Variants in TIPIN observed in about 807,000 individuals in gnomAD.
TIPIN encodes the protein TIMELESS interacting protein.
In TIPIN, 29 loss-of-function variants were observed where a neutral mutation model predicts 35.6. The observed-to-expected ratio is 0.82, with a 90% CI of 0.61 to 1.11. TIPIN has a LOEUF of 1.11. TIPIN is among the 50% of genes most tolerant of loss of function. The pLI is 0.00. For synonymous variants in TIPIN, 102 were observed against 121.5 expected (o/e 0.84, Z 1.06); for missense variants, 296 against 345.4 (o/e 0.86, Z 1.13).
intron 1 of TIPIN, among the ~76,000 whole-genome samples, chr15:66,382,057 T>G (rs1480058267): frequency 1.5e-5 from 1 of 66,892 alleles, no homozygotes; most frequent in Non-Finnish European, 3.7e-5. Flanking sequence ...AGTGAAACTC[T>G]GTCTCAAAAA....
At chr15:66,357,293 G>A (rs537512098), upstream of TIPIN, among the ~76,000 whole-genome samples, 1 of 152,250 alleles carries the variant, frequency 6.6e-6, no homozygotes, top group East Asian at 1.9e-4. Flanking sequence ...AAGGACAGAG[G>A]CAAGCAATAG....
chr15:66,348,672 CTA>C (rs1491069151), intron 6 of TIPIN, among the ~76,000 whole-genome samples: 4 of 23,216 alleles, frequency 1.7e-4, no homozygotes, highest in East Asian at 0.045. Flanking sequence ...CCAGCCTGGG[CTA>C]CAGAGTGAGA....
chr15:66,383,254 T>C (rs1262771083), intron 1 of TIPIN, among the ~76,000 whole-genome samples: 1 of 150,522 alleles, frequency 6.6e-6, no homozygotes, highest in East Asian at 1.9e-4. Context: ...TAGATTACTT[T>C]GAAAAGTTTC....
chr15:66,377,661 G>GT (rs35845765), intron 1 of TIPIN, among the ~76,000 whole-genome samples: 71,478 of 150,204 alleles, frequency 0.48, 18,565 homozygotes, highest in South Asian at 0.65. Context: ...CAGCGCCTGG[G>GT]TTTTTTTTTG....
chr15:66,340,120 C>T (rs2093074836), intron 7 of TIPIN, among the ~76,000 whole-genome samples: 1 of 148,504 alleles, frequency 6.7e-6, no homozygotes, highest in Non-Finnish European at 1.5e-5. Context: ...GATCCACCCA[C>T]TTCAGCCTCC....
At chr15:66,353,392 C>A (rs962687669) in intron 1 of TIPIN, among the ~76,000 whole-genome samples, 1 of 151,820 alleles carries the variant, frequency 6.6e-6, no homozygotes, top group Non-Finnish European at 1.5e-5. Context: ...CCGAGGCGGG[C>A]GGATCACGAG....
At chr15:66,355,194 C>T (rs1009406326) in intron 1 of TIPIN, among the ~76,000 whole-genome samples, 2 of 151,514 alleles carry the variant, frequency 1.3e-5, no homozygotes, top group African/African-American at 2.4e-5. Context: ...CCACCACGCC[C>T]GGCTAATTTT....
Position 66,337,059 on chromosome 15 carries a change from C to T in TIPIN, c.805G>A (p.Ala269Thr), listed in dbSNP as rs201269482. 20 of 1,613,962 alleles carry T rather than the reference C, an allele frequency of 1.2e-5. No individual in the cohort carries two copies. The highest frequency in any genetic ancestry group is 1.6e-5 in the Non-Finnish European group (19 of 1,180,020). Reference protein sequence around the residue: ...ILDNPCNDAIANTLNEEETLL... With the variant: ...ILDNPCNDAITNTLNEEETLL... ...GTTTCCTCTTCATTTAAAGTATTGG[C>T]AATAGCATCATTACATGGATTGTCC... Residue 269 changes from alanine to threonine, a missense_variant, in exon 8 of 8, where the codon GCC (alanine) becomes ACC (threonine). Coordinates refer to ENST00000261881, the MANE Select transcript of TIPIN (RefSeq NM_017858.3).
chr15:66,355,745 C>G (rs532626300), intron 1 of TIPIN, among the ~76,000 whole-genome samples: 3 of 152,246 alleles, frequency 2.0e-5, no homozygotes, highest in East Asian at 3.9e-4. Context: ...AGCGAGACTC[C>G]GTTTCAAAAC....
At chr15:66,368,066 T>C (rs567967246) in intron 1 of TIPIN, among the ~76,000 whole-genome samples, 1 of 152,094 alleles carries the variant, frequency 6.6e-6, no homozygotes, top group African/African-American at 2.4e-5. Flanking sequence ...ACCCCTGACC[T>C]TGTGATCTGC....
At chr15:66,369,714 A>G (rs908119599) in intron 1 of TIPIN, among the ~76,000 whole-genome samples, 9 of 152,204 alleles carry the variant, frequency 5.9e-5, no homozygotes, top group African/African-American at 2.2e-4. Context: ...GTTGGAGATG[A>G]AACCTTTTCA....
At chr15:66,344,971 AAGCT>A (rs1178044960) in intron 6 of TIPIN, among the ~76,000 whole-genome samples, 7 of 152,246 alleles carry the variant, frequency 4.6e-5, no homozygotes, top group Non-Finnish European at 8.8e-5. Context: ...AAAGAAGCTA[AAGCT>A]AGAAATATTC....
chr15:66,356,572 G>A, intron 1 of TIPIN, 67 bp downstream of exon 1: 1 of 976,186 alleles, frequency 1.0e-6, no homozygotes, highest in Non-Finnish European at 1.2e-6. Context: ...TCTTCCATCT[G>A]GCTCCCTGGC....
chr15:66,364,593 T>C (rs1371137415), intron 1 of TIPIN, among the ~76,000 whole-genome samples: 1 of 152,142 alleles, frequency 6.6e-6, no homozygotes, highest in Non-Finnish European at 1.5e-5. Flanking sequence ...GTATTCAACA[T>C]GTATACACTG....
At chr15:66,345,968 C>G (rs1402209256) in intron 6 of TIPIN, among the ~76,000 whole-genome samples, 5 of 149,792 alleles carry the variant, frequency 3.3e-5, no homozygotes, top group African/African-American at 1.2e-4. Flanking sequence ...TTTTTTGAGA[C>G]AGAGTTTCAC....
chr15:66,383,495 C>A, intron 1 of TIPIN: 1 of 651,308 alleles, frequency 1.5e-6, no homozygotes, highest in Non-Finnish European at 1.9e-6. Context: ...AACTCCTGAC[C>A]TCAGGTGATC....
Position 66,349,417 on chromosome 15 carries a change from T to G in TIPIN, c.309A>C (p.Leu103=). The part of the protein sequence containing the change: ...KGHEAEDLKM[L]IRHMEHWAHR... ...GTGCCCAGTGCTCCATGTGTCTGAT[T>G]AGCATCTTCAAGTCTTCAGCCTGCC... The change falls in exon 5 of 8, where the codon CTA becomes CTC. Residue 103 remains leucine, a synonymous_variant. Transcript: ENST00000261881. 1.2e-6 allele frequency: 2 copies of G among 1,613,048 alleles called. No individual in the cohort carries two copies. Among genetic ancestry groups the G allele is most frequent in the South Asian group, 1.1e-5 (1 of 90,668 alleles).
chr15:66,341,416 A>T, intron 6 of TIPIN, 60 bp from the exon 7 acceptor site: 1 of 1,462,086 alleles, frequency 6.8e-7, no homozygotes, highest in Non-Finnish European at 9.2e-7. Context: ...AGGGCTTCTC[A>T]TTGAAAAAGA....
At chr15:66,375,499 TTATA>T (rs71139487) in intron 1 of TIPIN, among the ~76,000 whole-genome samples, 18,385 of 132,648 alleles carry the variant, frequency 0.14, 1,797 homozygotes, top group African/African-American at 0.28. Flanking sequence ...ATTGGAAAAG[TTATA>T]TATATATATA....
Sources: gnomAD v4.1 joint callset for allele counts (sites outside exome capture counted in the v4.1 genomes callset) on GRCh38, gnomAD v4.1.1 for gene constraint, MANE v1.5 for transcripts, NCBI Gene and HGNC (gene_info 2026-07-23, HGNC 2026-07-21) for gene names.